Variants in CNTN4 observed in about 807,000 individuals in gnomAD.
CNTN4 encodes contactin 4.
CNTN4 carries 77 observed loss-of-function variants against 122.5 expected under a neutral mutation model. The observed-to-expected ratio is 0.63, with a 90% CI of 0.52 to 0.76. CNTN4 has a LOEUF of 0.76. Among genes scored for constraint, CNTN4 ranks in the 30% least tolerant of loss-of-function variants. The pLI is 0.00. For synonymous variants in CNTN4, 512 were observed against 447.0 expected (o/e 1.15, Z -1.83); for missense variants, 1,256 against 1,259.1 (o/e 1.00, Z 0.04).
intron 4 of CNTN4, among the ~76,000 whole-genome samples, chr3:2,580,504 G>A (rs763312254): frequency 6.6e-6 from 1 of 152,104 alleles, no homozygotes; most frequent in Admixed American, 6.5e-5. Flanking sequence ...TACTGTACTG[G>A]AATATGCTGC....
At chr3:2,266,399 A>T (rs540080726) in intron 2 of CNTN4, among the ~76,000 whole-genome samples, 2 of 152,132 alleles carry the variant, frequency 1.3e-5, no homozygotes, top group African/African-American at 4.8e-5. Flanking sequence ...CAAAACACCT[A>T]TGGAAATAAT....
intron 7 of CNTN4, among the ~76,000 whole-genome samples, chr3:2,825,512 G>A (rs370330616): frequency 3.3e-5 from 5 of 152,008 alleles, no homozygotes; most frequent in Admixed American, 6.6e-5. Context: ...GTGAGCCATC[G>A]CACCCAGCCT....
At chr3:2,501,618 G>C (rs9828150) in intron 3 of CNTN4, among the ~76,000 whole-genome samples, 1 of 151,816 alleles carries the variant, frequency 6.6e-6, no homozygotes, top group South Asian at 2.1e-4. Flanking sequence ...CCTCACTTCC[G>C]TTGTCATATT....
chr3:2,678,064 A>G (rs888360109), intron 4 of CNTN4, among the ~76,000 whole-genome samples: 2 of 152,134 alleles, frequency 1.3e-5, no homozygotes, highest in Admixed American at 6.5e-5. Context: ...CCTATTAATA[A>G]TTTAAGGTAG....
chr3:2,367,164 T>A (rs77560189), intron 3 of CNTN4, among the ~76,000 whole-genome samples: 3,600 of 152,104 alleles, frequency 0.024, 157 homozygotes, highest in African/African-American at 0.082. Flanking sequence ...ACAAAATGAA[T>A]AAACTACACA....
chr3:2,566,070 C>G (rs1272951364), intron 3 of CNTN4, among the ~76,000 whole-genome samples: 1 of 152,222 alleles, frequency 6.6e-6, no homozygotes, highest in East Asian at 1.9e-4. Flanking sequence ...GCTCTGAAAC[C>G]TGTGCTATCC....
intron 12 of CNTN4, among the ~76,000 whole-genome samples, chr3:2,924,889 C>A (rs1001207037): frequency 1.3e-5 from 2 of 152,038 alleles, no homozygotes; most frequent in Non-Finnish European, 2.9e-5. Context: ...TGCTATGGGA[C>A]AAAGCAGAGG....
intron 3 of CNTN4, among the ~76,000 whole-genome samples, chr3:2,478,359 T>C (rs760280182): frequency 8.6e-5 from 13 of 152,046 alleles, no homozygotes; most frequent in Non-Finnish European, 1.5e-4. Context: ...AAATAATAAA[T>C]GAAATATGTG....
chr3:2,848,872 C>A (rs1050864271), intron 7 of CNTN4, among the ~76,000 whole-genome samples: 1 of 152,052 alleles, frequency 6.6e-6, no homozygotes, highest in Non-Finnish European at 1.5e-5. Context: ...GGCAGCCAGA[C>A]GACATAGGTC....
chr3:2,416,179 T>C (rs982126246), intron 3 of CNTN4, among the ~76,000 whole-genome samples: 1 of 152,140 alleles, frequency 6.6e-6, no homozygotes, highest in African/African-American at 2.4e-5. Context: ...AAATAAGTTA[T>C]AAGCTTATTT....
chr3:2,953,782 TG>T (rs2094771121), intron 13 of CNTN4, among the ~76,000 whole-genome samples: 1 of 152,166 alleles, frequency 6.6e-6, no homozygotes. Flanking sequence ...GAAGCTTTGC[TG>T]GGCCTATTGA....
chr3:2,226,171 A>C (rs1221300379), intron 2 of CNTN4, among the ~76,000 whole-genome samples: 1 of 151,970 alleles, frequency 6.6e-6, no homozygotes, highest in Non-Finnish European at 1.5e-5. Flanking sequence ...TCCTTGCTGT[A>C]TGGTTTTATG....
At chr3:2,235,899 T>C (rs2039664071) in intron 2 of CNTN4, among the ~76,000 whole-genome samples, 1 of 152,170 alleles carries the variant, frequency 6.6e-6, no homozygotes, top group African/African-American at 2.4e-5. Flanking sequence ...TTATCTTGCT[T>C]CAGTACACAT....
intron 2 of CNTN4, among the ~76,000 whole-genome samples, chr3:2,230,221 C>T (rs572367126): frequency 1.3e-4 from 20 of 152,278 alleles, no homozygotes; most frequent in Middle Eastern, 3.4e-3. Context: ...GGGTTGCCAA[C>T]GATCAGGTTT....
At chr3:2,927,433 C>G (rs1223248439) in intron 13 of CNTN4, 1 of 411,166 alleles carries the variant, frequency 2.4e-6, no homozygotes, top group African/African-American at 2.1e-5. Context: ...CTTAGAAGTG[C>G]AACACTTGCA....
At chr3:2,822,233 G>A (rs559314098) in intron 7 of CNTN4, among the ~76,000 whole-genome samples, 23 of 152,176 alleles carry the variant, frequency 1.5e-4, no homozygotes, top group Non-Finnish European at 2.8e-4. Flanking sequence ...TGGACTCTGG[G>A]ATATGAGTTT....
rs555360209 is a variant in CNTN4, at chr3:3,043,756, A to G, written c.2811+52A>G. The G allele has an allele frequency of 1.4e-5, 16 of 1,120,672 alleles. No homozygotes were observed. The Admixed American group carries it at 2.2e-4, about 16-fold the overall frequency. The allele number at this position is 1,120,672 out of a possible 1,614,324, so 69.4% of individuals were successfully genotyped here. The stretch of plus-strand genomic sequence containing the variant: ...ACCTAATCGTGCTGTGAGTGGGGGC[A>G]GTCTCCTCCATGAATTATACAGTTG... On this transcript the variant is annotated intron_variant, in intron 23 of 24. Coordinates refer to ENST00000418658, the MANE Select transcript of CNTN4 (RefSeq NM_175607.3).
chr3:2,306,617 A>G (rs2042717078), intron 2 of CNTN4, among the ~76,000 whole-genome samples: 2 of 152,218 alleles, frequency 1.3e-5, no homozygotes, highest in South Asian at 2.1e-4. Context: ...TTGAATTTCC[A>G]TATGAATATA....
At chr3:2,123,066 AG>A (rs1449862396) in intron 2 of CNTN4, among the ~76,000 whole-genome samples, 1 of 152,208 alleles carries the variant, frequency 6.6e-6, no homozygotes, top group East Asian at 1.9e-4. Context: ...TCTTGACTTA[AG>A]GCATCCTCAG....
Sources: gnomAD v4.1 joint callset for allele counts (sites outside exome capture counted in the v4.1 genomes callset) on GRCh38, gnomAD v4.1.1 for gene constraint, MANE v1.5 for transcripts, NCBI Gene and HGNC (gene_info 2026-07-23, HGNC 2026-07-21) for gene names.